Variants in UBE2E2 observed in about 807,000 individuals in gnomAD.
The protein encoded by UBE2E2 is ubiquitin conjugating enzyme E2 E2.
In UBE2E2, 6 loss-of-function variants were observed where a neutral mutation model predicts 24.7. The ratio of observed to expected loss-of-function variants is 0.24; its 90% CI spans 0.13 to 0.48. The LOEUF is 0.48. Ranked by LOEUF, UBE2E2 falls within the 20% of genes least tolerant of loss-of-function variation. UBE2E2 has a pLI of 0.99. For synonymous variants in UBE2E2, 104 were observed against 83.6 expected, an observed-to-expected ratio of 1.24 and a Z score of -1.33; for missense variants, 169 against 245.0, an observed-to-expected ratio of 0.69 and a Z score of 2.07.
At chr3:23,464,351 AGCAGTAAACTATATTGGTT>A (rs939056108) in intron 3 of UBE2E2, among the ~76,000 whole-genome samples, 18 of 152,198 alleles carry the variant, frequency 1.2e-4, no homozygotes, top group African/African-American at 4.1e-4. Flanking sequence ...ACTACCCTCA[AGCAGTAAACTATATTGGTT>A]GCAGTATAGA....
At chr3:23,575,753 C>A (rs984764075) in intron 5 of UBE2E2, among the ~76,000 whole-genome samples, 2 of 152,172 alleles carry the variant, frequency 1.3e-5, no homozygotes, top group Non-Finnish European at 2.9e-5. Flanking sequence ...GTCCAGGAAT[C>A]TGCCCTCCAG....
intron 3 of UBE2E2, among the ~76,000 whole-genome samples, chr3:23,288,155 G>C (rs1461783248): frequency 6.6e-6 from 1 of 151,912 alleles, no homozygotes; most frequent in African/African-American, 2.4e-5. Context: ...AAATTTTTCA[G>C]TTTCCTTCTT....
At chr3:23,350,840 A>C (rs1024569915) in intron 3 of UBE2E2, among the ~76,000 whole-genome samples, 1 of 152,240 alleles carries the variant, frequency 6.6e-6, no homozygotes, top group African/African-American at 2.4e-5. Context: ...GAACTTCCCC[A>C]ATCTAGCAAG....
At chr3:23,282,471 G>A (rs570858332) in intron 3 of UBE2E2, among the ~76,000 whole-genome samples, 2 of 152,132 alleles carry the variant, frequency 1.3e-5, no homozygotes, top group Non-Finnish European at 2.9e-5. Flanking sequence ...AAATTCTTGT[G>A]TCGGTAGCTG....
chr3:23,346,043 G>C (rs1371568904), intron 3 of UBE2E2, among the ~76,000 whole-genome samples: 1 of 152,084 alleles, frequency 6.6e-6, no homozygotes, highest in East Asian at 1.9e-4. Flanking sequence ...TTCGTTTGTT[G>C]TTCTACTGGA....
At chr3:23,208,654 G>A (rs748565961) in intron 1 of UBE2E2, 38 bp from the exon 2 acceptor site, 22 of 1,539,314 alleles carry the variant, frequency 1.4e-5, no homozygotes, top group Non-Finnish European at 1.9e-5. Flanking sequence ...GCTTACTGTA[G>A]TACAGCTAAA....
intron 3 of UBE2E2, among the ~76,000 whole-genome samples, chr3:23,315,296 G>A (rs1694541911): frequency 7.9e-6 from 1 of 126,496 alleles, no homozygotes; most frequent in Non-Finnish European, 1.6e-5. Context: ...TTTTCTAGGT[G>A]TGCTTCATTT....
At chr3:23,486,232 G>T (rs1361472546) in intron 3 of UBE2E2, among the ~76,000 whole-genome samples, 1 of 152,186 alleles carries the variant, frequency 6.6e-6, no homozygotes, top group Non-Finnish European at 1.5e-5. Context: ...GGCAGCTACA[G>T]GTGCCAGCTC....
At chr3:23,310,704 C>G (rs534093126) in intron 3 of UBE2E2, among the ~76,000 whole-genome samples, 5 of 152,192 alleles carry the variant, frequency 3.3e-5, no homozygotes, top group African/African-American at 1.2e-4. Context: ...GTCAATATAA[C>G]AAGGCACCCC....
intron 3 of UBE2E2, among the ~76,000 whole-genome samples, chr3:23,306,586 T>C (rs994983009): frequency 1.3e-5 from 2 of 152,208 alleles, no homozygotes; most frequent in Non-Finnish European, 2.9e-5. Flanking sequence ...ATGATCCTTT[T>C]GTTTATACTG....
intron 4 of UBE2E2, among the ~76,000 whole-genome samples, chr3:23,519,014 A>T (rs996839790): frequency 2.0e-5 from 3 of 152,306 alleles, no homozygotes; most frequent in South Asian, 4.1e-4. Context: ...CACCTCTTTC[A>T]TCATGGCATT....
intron 3 of UBE2E2, among the ~76,000 whole-genome samples, chr3:23,265,041 C>T (rs927324743): frequency 6.6e-6 from 1 of 152,054 alleles, no homozygotes; most frequent in Admixed American, 6.6e-5. Flanking sequence ...GGTGAGAAAG[C>T]GGCAAACCTC....
intron 3 of UBE2E2, among the ~76,000 whole-genome samples, chr3:23,286,659 T>C (rs1280015661): frequency 6.6e-6 from 1 of 152,204 alleles, no homozygotes; most frequent in East Asian, 1.9e-4. Context: ...ATACACATTT[T>C]AGGATTACTT....
intron 3 of UBE2E2, among the ~76,000 whole-genome samples, chr3:23,292,141 G>A (rs1315779013): frequency 6.6e-6 from 1 of 151,884 alleles, no homozygotes; most frequent in Non-Finnish European, 1.5e-5. Context: ...TACAGGCCCA[G>A]ATAATTTTTG....
At chr3:23,355,387 A>T (rs1306025690) in intron 3 of UBE2E2, among the ~76,000 whole-genome samples, 4 of 152,156 alleles carry the variant, frequency 2.6e-5, no homozygotes, top group Non-Finnish European at 5.9e-5. Context: ...ATAATGAAAG[A>T]CAAAAAAGAA....
intron 3 of UBE2E2, among the ~76,000 whole-genome samples, chr3:23,249,635 ATGTG>A (rs373813646): frequency 1.7e-4 from 26 of 151,500 alleles, no homozygotes; most frequent in African/African-American, 5.6e-4. Context: ...CTAAAATAAA[ATGTG>A]TGTATTAACT....
intron 3 of UBE2E2, among the ~76,000 whole-genome samples, chr3:23,266,668 A>G (rs1373926602): frequency 6.6e-6 from 1 of 152,094 alleles, no homozygotes; most frequent in Non-Finnish European, 1.5e-5. Flanking sequence ...TAAGAAGGAT[A>G]CCCAGGAATT....
At chr3:23,404,765 G>T (rs1005313637) in intron 3 of UBE2E2, among the ~76,000 whole-genome samples, 1 of 152,024 alleles carries the variant, frequency 6.6e-6, no homozygotes, top group African/African-American at 2.4e-5. Flanking sequence ...TTAAATATTT[G>T]CCAATGTATG....
chr3:23,300,137 T>C (rs191767677), intron 3 of UBE2E2, among the ~76,000 whole-genome samples: 2 of 152,342 alleles, frequency 1.3e-5, no homozygotes, highest in East Asian at 3.9e-4. Flanking sequence ...ATTTGCTTGG[T>C]AGATCTTCCT....
Sources: gnomAD v4.1 joint callset for allele counts (sites outside exome capture counted in the v4.1 genomes callset) on GRCh38, gnomAD v4.1.1 for gene constraint, MANE v1.5 for transcripts, NCBI Gene and HGNC (gene_info 2026-07-23, HGNC 2026-07-21) for gene names.